Variants in POU2AF1 observed in about 807,000 individuals in gnomAD.
POU2AF1 encodes POU domain class 2-associating factor 1.
A neutral mutation model predicts 26.3 loss-of-function variants in POU2AF1; 12 were observed. The ratio of observed to expected loss-of-function variants is 0.46; its 90% CI spans 0.29 to 0.74. The LOEUF is 0.74. Ranked by LOEUF, POU2AF1 falls within the 30% of genes least tolerant of loss-of-function variation. The probability of loss-of-function intolerance (pLI) is 0.09; values close to 1 mark genes in which losing one functional copy is unlikely to be tolerated. For missense variants in POU2AF1, 297 were observed against 334.5 expected, an observed-to-expected ratio of 0.89 and a Z score of 0.87; for synonymous variants, 175 against 148.0, an observed-to-expected ratio of 1.18 and a Z score of -1.32.
At chr11:111,358,615 C>T (rs61896827) in intron 2 of POU2AF1, among the ~76,000 whole-genome samples, 173 bp downstream of exon 2, 77,247 of 149,838 alleles carry the variant, frequency 0.52, 21,259 homozygotes, top group Admixed American at 0.63. Flanking sequence ...CACACACTGA[C>T]GCAGATACAC....
At position 111,358,802 on chromosome 11, in the gene POU2AF1, G is replaced by T. The variant is rs371995060; in HGVS notation, c.133C>A (p.Pro45Thr). ...KRGHASSGAAPAPTAVVLPHQ... is the reference protein window; with the variant it reads ...KRGHASSGAATAPTAVVLPHQ... ...CAAACTCTCACCGCCGTAGGTGCAG[G>T]TGCTGCCCCACTGCTGGCGTGGCCT... Residue 45 changes from proline to threonine, a missense_variant, in exon 2 of 5, where the codon CCT becomes ACT. Physicochemically the swap from Pro to Thr is conservative, Grantham distance 38. Transcript: ENST00000393067. 4 of 1,599,434 alleles carry T rather than the reference G, an allele frequency of 2.5e-6. No homozygotes were observed. The highest frequency in any genetic ancestry group is 2.2e-5 in the South Asian group (2 of 89,336).
intron 1 of POU2AF1, 43 bp from the exon 2 acceptor site, chr11:111,358,961 C>T (rs200576481): frequency 3.2e-5 from 50 of 1,563,368 alleles, no homozygotes; most frequent in Middle Eastern, 1.7e-4. Flanking sequence ...CCTTCTCAGA[C>T]GAGCCCCCAC....
rs1391453343 is a variant in POU2AF1, at chr11:111,354,351, G to A, written c.681C>T (p.Ala227=). The A allele has an allele frequency of 1.2e-6, 2 of 1,614,244 alleles. No individual in the cohort carries two copies. The highest frequency in any genetic ancestry group is 1.7e-6 in the Non-Finnish European group (2 of 1,180,038). The change falls in exon 5 of 5, where the codon GCC becomes GCT. Residue 227 remains alanine, a synonymous_variant. Coordinates refer to ENST00000393067, the MANE Select transcript of POU2AF1 (RefSeq NM_006235.3). ...GCAGCTTGTCGATGGTCAACGAGCTGGCGGCTCTTCTGGGGTCTTCCATGT... is the reference window on the plus strand; with the variant it reads ...GCAGCTTGTCGATGGTCAACGAGCTAGCGGCTCTTCTGGGGTCTTCCATGT... ...LQDMEDPRRA[A]SSLTIDKLLL...
chr11:111,369,882 G>A (rs11605031), intron 1 of POU2AF1, among the ~76,000 whole-genome samples: 85,163 of 151,988 alleles, frequency 0.56, 24,466 homozygotes, highest in Admixed American at 0.65. Context: ...AATAACCTGT[G>A]GTTAGGCAGC....
At chr11:111,373,468 T>C (rs1037847629) in intron 1 of POU2AF1, among the ~76,000 whole-genome samples, 5 of 152,212 alleles carry the variant, frequency 3.3e-5, no homozygotes, top group African/African-American at 1.2e-4. Flanking sequence ...GTAGCCAAGG[T>C]ATAAAAACAC....
intron 1 of POU2AF1, chr11:111,363,338 A>G (rs953943648): frequency 9.8e-7 from 1 of 1,024,254 alleles, no homozygotes; most frequent in Non-Finnish European, 1.2e-6. Context: ...GTGCTCATGA[A>G]ATATCAGAAT....
chr11:111,360,126 A>G (rs950391792), intron 1 of POU2AF1: 1 of 489,540 alleles, frequency 2.0e-6, no homozygotes, highest in African/African-American at 2.0e-5. Flanking sequence ...ACTGAAAAGC[A>G]GCCGTGGCTG....
intron 1 of POU2AF1, chr11:111,363,290 G>A (rs1376454443): frequency 9.8e-7 from 1 of 1,024,906 alleles, no homozygotes; most frequent in South Asian, 4.6e-5. Context: ...CAGCTGAGCA[G>A]GTAAGAAGGA....
At chr11:111,373,173 G>A (rs1861244846) in intron 1 of POU2AF1, among the ~76,000 whole-genome samples, 1 of 152,208 alleles carries the variant, frequency 6.6e-6, no homozygotes, top group South Asian at 2.1e-4. Context: ...AATCCAAACT[G>A]ATCCAACAGA....
chr11:111,358,448 A>ACTCACACACACT (rs758217780), intron 2 of POU2AF1, among the ~76,000 whole-genome samples: 10 of 147,642 alleles, frequency 6.8e-5, no homozygotes, highest in Non-Finnish European at 1.0e-4. Context: ...ACTCTCACAC[A>ACTCACACACACT]CACACACTCT....
intron 1 of POU2AF1, among the ~76,000 whole-genome samples, chr11:111,377,337 G>A (rs1361050825): frequency 4.6e-5 from 7 of 151,932 alleles, no homozygotes; most frequent in Non-Finnish European, 5.9e-5. Context: ...CCGAGATCGC[G>A]CCACTGCACT....
At chr11:111,378,535 G>T (rs773424865) in intron 1 of POU2AF1, among the ~76,000 whole-genome samples, 2 of 152,168 alleles carry the variant, frequency 1.3e-5, no homozygotes, top group African/African-American at 4.8e-5. Context: ...CAAGGCCAAA[G>T]ATAAACCCAC....
At chr11:111,377,371 C>A (rs1374414473) in intron 1 of POU2AF1, among the ~76,000 whole-genome samples, 2 of 152,044 alleles carry the variant, frequency 1.3e-5, no homozygotes, top group African/African-American at 4.8e-5. Context: ...CAGAGCAACA[C>A]TCTGTCTCAA....
chr11:111,354,452 G>C lies in POU2AF1; in HGVS notation c.580C>G (p.Gln194Glu). The C allele has an allele frequency of 6.2e-7, 1 of 1,613,674 alleles. No individual in the cohort carries two copies. Among genetic ancestry groups the C allele is most frequent in the South Asian group, 1.1e-5 (1 of 91,014 alleles). Reference protein sequence around the residue: ...STLPTSTLQYQPPAPALPGPQ... With the variant: ...STLPTSTLQYEPPAPALPGPQ... ...CCAGGTAGGGCTGGGGCCGGAGGCT[G>C]GTACTGCAGGGTGGAGGTGGGTAGT... Residue 194 changes from glutamine (Q) to glutamate (E), a missense_variant, in exon 5 of 5, where the codon CAG becomes GAG. By Grantham distance (29) the Gln-to-Glu change is conservative. Coordinates refer to ENST00000393067, the MANE Select transcript of POU2AF1 (RefSeq NM_006235.3).
intron 1 of POU2AF1, among the ~76,000 whole-genome samples, chr11:111,367,674 C>T (rs576949528): frequency 3.2e-4 from 48 of 152,250 alleles, no homozygotes; most frequent in African/African-American, 1.1e-3. Context: ...CAGTTAAAGT[C>T]TGGGCTTGGA....
intron 2 of POU2AF1, 104 bp downstream of exon 2, chr11:111,358,684 A>C: frequency 7.7e-7 from 1 of 1,306,864 alleles, no homozygotes; most frequent in Non-Finnish European, 1.0e-6. Context: ...ACATACACAC[A>C]CGCATACACA....
chr11:111,373,080 G>A (rs1443001014), intron 1 of POU2AF1, among the ~76,000 whole-genome samples: 1 of 152,156 alleles, frequency 6.6e-6, no homozygotes, highest in African/African-American at 2.4e-5. Context: ...CCCTACTGTG[G>A]ACTTCTTTTA....
chr11:111,358,444 A>ACACACTCTCACACACT (rs1555074391), intron 2 of POU2AF1, among the ~76,000 whole-genome samples: 1 of 60,232 alleles, frequency 1.7e-5, no homozygotes, highest in African/African-American at 5.5e-5. Flanking sequence ...ACTCACTCTC[A>ACACACTCTCACACACT]CACACACACA....
At chr11:111,366,633 C>T (rs1454207761) in intron 1 of POU2AF1, among the ~76,000 whole-genome samples, 1 of 152,184 alleles carries the variant, frequency 6.6e-6, no homozygotes, top group Non-Finnish European at 1.5e-5. Context: ...CACTCATCAA[C>T]CATAGGCAGG....
Sources: allele counts gnomAD v4.1 joint callset (sites outside exome capture counted in the v4.1 genomes callset), GRCh38; gene constraint gnomAD v4.1.1; transcripts MANE v1.5; gene names NCBI Gene and HGNC (gene_info 2026-07-23, HGNC 2026-07-21).